RCL1: variants seen among roughly 807,000 people sequenced by gnomAD.
RCL1 encodes the protein RNA 3'-terminal phosphate cyclase-like protein.
Under a neutral mutation model 42.4 loss-of-function variants are expected in RCL1, and 24 were observed. The observed-to-expected ratio is 0.57, with a 90% CI of 0.41 to 0.80. The LOEUF is 0.80. Ranked by LOEUF, RCL1 falls within the 30% of genes least tolerant of loss-of-function variation. RCL1 has a pLI of 0.00. For missense variants in RCL1, 578 were observed against 467.9 expected, an observed-to-expected ratio of 1.24 and a Z score of -2.17; for synonymous variants, 228 against 177.3, an observed-to-expected ratio of 1.29 and a Z score of -2.27.
At chr9:4,815,659 C>T (rs959371783) in intron 1 of RCL1, among the ~76,000 whole-genome samples, 2 of 151,922 alleles carry the variant, frequency 1.3e-5, no homozygotes, top group African/African-American at 4.8e-5. Context: ...GTTTTTGCTG[C>T]TTGCTCCTGG....
intron 1 of RCL1, among the ~76,000 whole-genome samples, chr9:4,809,105 G>GT (rs34982022): frequency 4.4e-4 from 63 of 144,798 alleles, no homozygotes; most frequent in Non-Finnish European, 4.6e-4. Context: ...GCTTCTTAAG[G>GT]TTTTTTTTTT....
chr9:4,806,522 A>G (rs1317400173), intron 1 of RCL1, among the ~76,000 whole-genome samples: 2 of 149,996 alleles, frequency 1.3e-5, no homozygotes, highest in South Asian at 2.1e-4. Context: ...AATATGGTGT[A>G]TTGCCTTGAT....
intron 1 of RCL1, among the ~76,000 whole-genome samples, chr9:4,818,041 C>G (rs972895567): frequency 2.0e-5 from 3 of 150,746 alleles, no homozygotes; most frequent in African/African-American, 7.3e-5. Flanking sequence ...CTGACTCAGC[C>G]TCCCAAGTAG....
At chr9:4,805,507 A>C (rs1815901966) in intron 1 of RCL1, among the ~76,000 whole-genome samples, 1 of 152,252 alleles carries the variant, frequency 6.6e-6, no homozygotes, top group Non-Finnish European at 1.5e-5. Context: ...CAGCTTTAAA[A>C]AAAAGTTTTA....
intron 3 of RCL1, 120 bp downstream of exon 3, chr9:4,827,153 ATTTAC>A: frequency 3.2e-6 from 5 of 1,554,668 alleles, no homozygotes; most frequent in Non-Finnish European, 4.4e-6. Flanking sequence ...TGCTTTTGTT[ATTTAC>A]TTTGAGATTT....
chr9:4,792,981 C>T lies in RCL1; in HGVS notation c.-111C>T. 2 of 1,311,272 alleles carry T rather than the reference C, an allele frequency of 1.5e-6. No individual in the cohort carries two copies. The highest frequency in any genetic ancestry group is 1.0e-6 in the Non-Finnish European group (1 of 971,226). The allele number at this position is 1,311,272 out of a possible 1,614,324, so 81.2% of individuals were successfully genotyped here. ...CGCGTCTGGGCTGCTGGAGGCAGCCCGAGCCGCCGCCGTCGGTGTCGCCGC... is the reference window on the plus strand; with the variant it reads ...CGCGTCTGGGCTGCTGGAGGCAGCCTGAGCCGCCGCCGTCGGTGTCGCCGC... On this transcript the variant is annotated 5_prime_UTR_variant, in exon 1 of 9. Transcript: ENST00000381750.
chr9:4,815,814 G>A lies in RCL1; in HGVS notation c.137-7734G>A, dbSNP rs148469414. Among the ~76,000 whole-genome samples the A allele has an allele frequency of 7.4e-4, 112 of 152,280 alleles. 1 individual carries two copies. The highest frequency in any genetic ancestry group is 2.6e-3 in the African/African-American group (110 of 41,552). ...GCAGCTTAGGCCTATGAGGACTGCA[G>A]GGTTCCTCAGTGGTGAGGTCTGTAA... On this transcript the variant is annotated intron_variant, in intron 1 of 8. Transcript: ENST00000381750.
At chr9:4,837,837 C>T (rs113681956) in intron 5 of RCL1, among the ~76,000 whole-genome samples, 87 of 152,296 alleles carry the variant, frequency 5.7e-4, no homozygotes, top group African/African-American at 2.0e-3. Context: ...AAGTTCCTCC[C>T]TCCCTGGAGG....
chr9:4,797,802 G>A (rs181932902), intron 1 of RCL1, among the ~76,000 whole-genome samples: 67 of 152,210 alleles, frequency 4.4e-4, no homozygotes, highest in African/African-American at 9.4e-4. Context: ...GTGACTTCAG[G>A]CAAATCATTG....
At chr9:4,834,545 A>G (rs1166426742) in intron 5 of RCL1, among the ~76,000 whole-genome samples, 2 of 150,122 alleles carry the variant, frequency 1.3e-5, no homozygotes, top group African/African-American at 4.9e-5. Flanking sequence ...TCCTCTCTCA[A>G]GGGCTTTGGT....
intron 1 of RCL1, among the ~76,000 whole-genome samples, chr9:4,797,490 G>C (rs1842930677): frequency 6.6e-6 from 1 of 152,134 alleles, no homozygotes. Flanking sequence ...TGTTCAGTGG[G>C]GGACATTTGG....
chr9:4,851,957 T>A (rs972319222), intron 8 of RCL1, among the ~76,000 whole-genome samples: 4 of 144,182 alleles, frequency 2.8e-5, no homozygotes, highest in Non-Finnish European at 6.0e-5. Flanking sequence ...CTCCGCCCAC[T>A]GCAAGCTCCG....
At chr9:4,858,738 T>C (rs148489265) in intron 8 of RCL1, among the ~76,000 whole-genome samples, 258 of 101,636 alleles carry the variant, frequency 2.5e-3, no homozygotes, top group African/African-American at 8.5e-3. Flanking sequence ...GGTTATTCCA[T>C]GTGCAGTCGA....
At chr9:4,860,022 C>T (rs1818109662) in intron 8 of RCL1, 103 bp from the exon 9 acceptor site, 3 of 751,630 alleles carry the variant, frequency 4.0e-6, no homozygotes, top group Non-Finnish European at 6.1e-6. Context: ...AACTTCAGCC[C>T]TCTAGGTCTG....
intron 8 of RCL1, among the ~76,000 whole-genome samples, 174 bp downstream of exon 8, chr9:4,849,724 G>C (rs764813507): frequency 6.6e-6 from 1 of 152,142 alleles, no homozygotes; most frequent in Non-Finnish European, 1.5e-5. Context: ...TACATACAAG[G>C]ATTTTTGCAT....
chr9:4,806,017 G>GGTGTGTGTGTGTGTGTGT (rs58494209), intron 1 of RCL1, among the ~76,000 whole-genome samples: 1 of 142,736 alleles, frequency 7.0e-6, no homozygotes, highest in African/African-American at 2.6e-5. Flanking sequence ...ATACCATTGG[G>GGTGTGTGTGTGTGTGTGT]GTGTGTGTGT....
intron 8 of RCL1, among the ~76,000 whole-genome samples, chr9:4,852,939 A>G (rs1353070195): frequency 2.0e-5 from 3 of 152,094 alleles, no homozygotes; most frequent in Non-Finnish European, 4.4e-5. Context: ...CTATAAATCT[A>G]TATCCATTAA....
chr9:4,827,686 AC>A (rs1816804902), intron 3 of RCL1, among the ~76,000 whole-genome samples: 1 of 151,310 alleles, frequency 6.6e-6, no homozygotes, highest in Non-Finnish European at 1.5e-5. Flanking sequence ...ATCAAGCAAA[AC>A]TTTTTATTGT....
rs1344478914 is a variant in RCL1 at position 4,841,370 on chromosome 9, G to GT, written c.710+18dup. ...TCAACTCTGGGAAGTAAGTATCTGT[G>GT]TTTTTGAAGTCTGTTTCTGCAGCTT... is the stretch of plus-strand genomic sequence containing the variant. On this transcript the variant is annotated intron_variant, in intron 6 of 8. Coordinates refer to ENST00000381750, the MANE Select transcript of RCL1 (RefSeq NM_005772.5). 4 of 1,603,238 alleles carry GT rather than the reference G, an allele frequency of 2.5e-6. No individual in the cohort carries two copies. Among genetic ancestry groups the GT allele is most frequent in the Non-Finnish European group, 3.4e-6 (4 of 1,170,776 alleles).
Sources: gnomAD v4.1 joint callset for allele counts (sites outside exome capture counted in the v4.1 genomes callset) on GRCh38, gnomAD v4.1.1 for gene constraint, MANE v1.5 for transcripts, NCBI Gene and HGNC (gene_info 2026-07-23, HGNC 2026-07-21) for gene names.